The following TP63 variants were observed in gnomAD, a reference collection of about 807,000 sequenced individuals.
The protein encoded by TP63 is tumor protein p63, also known as tumor protein 63.
TP63 carries 17 observed loss-of-function variants against 82.8 expected under a neutral mutation model. The ratio of observed to expected loss-of-function variants is 0.21; its 90% CI spans 0.14 to 0.31. The LOEUF is 0.31. Among genes scored for constraint, TP63 ranks in the 10% least tolerant of loss-of-function variants. The pLI, the probability that TP63 is intolerant of heterozygous loss-of-function variation, is 1.00. For missense variants in TP63, 648 were observed against 895.3 expected (o/e 0.72, Z 3.52); for synonymous variants, 330 against 321.7 (o/e 1.03, Z -0.28).
intron 1 of TP63, among the ~76,000 whole-genome samples, chr3:189,662,336 A>G (rs1027745233): frequency 7.2e-5 from 11 of 152,074 alleles, no homozygotes; most frequent in African/African-American, 2.7e-4. Context: ...GAAGTCATTC[A>G]GTAGCAAGTT....
chr3:189,753,942 C>T (rs1388857977), intron 3 of TP63, among the ~76,000 whole-genome samples: 3 of 152,060 alleles, frequency 2.0e-5, no homozygotes, highest in Non-Finnish European at 2.9e-5. Context: ...ATAATATTGG[C>T]TTTATAACCC....
At chr3:189,721,333 G>T (rs1309184896) in intron 1 of TP63, among the ~76,000 whole-genome samples, 2 of 152,150 alleles carry the variant, frequency 1.3e-5, no homozygotes, top group Non-Finnish European at 2.9e-5. Context: ...GATGCTTAGT[G>T]ATTTTCTAGT....
intron 1 of TP63, among the ~76,000 whole-genome samples, chr3:189,665,830 C>A (rs1377604313): frequency 6.6e-6 from 1 of 151,982 alleles, no homozygotes; most frequent in Non-Finnish European, 1.5e-5. Context: ...CTTATTAGCA[C>A]TTCTATTTTA....
At chr3:189,878,411 CAG>C (rs1392474168) in intron 10 of TP63, among the ~76,000 whole-genome samples, 2 of 107,960 alleles carry the variant, frequency 1.9e-5, no homozygotes, top group African/African-American at 7.2e-5. Flanking sequence ...TTTTTTGAGA[CAG>C]AGTCTTGCTC....
intron 3 of TP63, among the ~76,000 whole-genome samples, chr3:189,802,328 T>G (rs1336981455): frequency 3.3e-5 from 5 of 152,184 alleles, no homozygotes. Flanking sequence ...TGAAAGGTGG[T>G]TATCAGCTGA....
At chr3:189,736,239 CAT>C (rs1288777563) in intron 1 of TP63, among the ~76,000 whole-genome samples, 5 of 151,308 alleles carry the variant, frequency 3.3e-5, no homozygotes, top group Non-Finnish European at 7.4e-5. Flanking sequence ...TAAGTACAGA[CAT>C]AGGCTTTTTA....
chr3:189,853,626 C>T (rs570764187), intron 4 of TP63, among the ~76,000 whole-genome samples: 1 of 152,216 alleles, frequency 6.6e-6, no homozygotes, highest in Non-Finnish European at 1.5e-5. Context: ...ACTCCCCTGA[C>T]TCTTGGCTTT....
chr3:189,821,558 A>G (rs1197969735), intron 4 of TP63, among the ~76,000 whole-genome samples: 5 of 152,230 alleles, frequency 3.3e-5, no homozygotes, highest in Non-Finnish European at 7.3e-5. Context: ...CCACGCTGCT[A>G]TATGAACAGT....
At chr3:189,735,840 C>T (rs182121650) in intron 1 of TP63, among the ~76,000 whole-genome samples, 281 of 151,126 alleles carry the variant, frequency 1.9e-3, no homozygotes, top group Non-Finnish European at 3.4e-3. Flanking sequence ...AAATGAAATA[C>T]ACACACATAT....
At chr3:189,863,446 T>C (rs937886920) in intron 4 of TP63, among the ~76,000 whole-genome samples, 14 of 152,164 alleles carry the variant, frequency 9.2e-5, no homozygotes, top group Non-Finnish European at 1.8e-4. Context: ...CCAGCCCGTT[T>C]TGCCAACTTA....
At chr3:189,664,269 A>T (rs1324245391) in intron 1 of TP63, among the ~76,000 whole-genome samples, 8 of 152,314 alleles carry the variant, frequency 5.3e-5, no homozygotes, top group African/African-American at 1.9e-4. Flanking sequence ...CATAAATCTG[A>T]CATAATTTAT....
chr3:189,798,828 A>G (rs945051166), intron 3 of TP63, among the ~76,000 whole-genome samples: 2 of 152,176 alleles, frequency 1.3e-5, no homozygotes, highest in African/African-American at 4.8e-5. Flanking sequence ...TGTCTTTTCA[A>G]AAGTAAGGCA....
chr3:189,640,710 G>A (rs1196104405), intron 1 of TP63, among the ~76,000 whole-genome samples: 2 of 152,068 alleles, frequency 1.3e-5, no homozygotes, highest in Non-Finnish European at 2.9e-5. Context: ...TGGAAAGCTT[G>A]TTTTTCCCTT....
At chr3:189,749,254 C>T (rs1028347238) in intron 3 of TP63, among the ~76,000 whole-genome samples, 1 of 152,072 alleles carries the variant, frequency 6.6e-6, no homozygotes, top group African/African-American at 2.4e-5. Flanking sequence ...AAAGAAACAC[C>T]TGTTGAATGG....
At chr3:189,867,029 C>T (rs903962069) in intron 6 of TP63, among the ~76,000 whole-genome samples, 1 of 152,158 alleles carries the variant, frequency 6.6e-6, no homozygotes, top group Non-Finnish European at 1.5e-5. Flanking sequence ...TGTCCATATT[C>T]CCATCTTAAG....
chr3:189,875,611 T>TATATACACAC (rs1553859678), intron 10 of TP63, among the ~76,000 whole-genome samples: 3 of 77,040 alleles, frequency 3.9e-5, no homozygotes, highest in Non-Finnish European at 5.6e-5. Flanking sequence ...TATATATATA[T>TATATACACAC]ATATATATAT....
chr3:189,651,789 C>T (rs1712915881), intron 1 of TP63, among the ~76,000 whole-genome samples: 1 of 146,674 alleles, frequency 6.8e-6, no homozygotes, highest in African/African-American at 2.6e-5. Context: ...CTCTGTGCAG[C>T]CTCGGGACAT....
At chr3:189,856,517 G>T (rs1485829616) in intron 4 of TP63, among the ~76,000 whole-genome samples, 1 of 151,860 alleles carries the variant, frequency 6.6e-6, no homozygotes, top group African/African-American at 2.4e-5. Context: ...TTTGATTATT[G>T]CAGTCACATA....
chr3:189,794,544 G>A (rs138205554), intron 3 of TP63, among the ~76,000 whole-genome samples: 3 of 152,132 alleles, frequency 2.0e-5, no homozygotes, highest in East Asian at 3.9e-4. Flanking sequence ...GGGAAGGGGG[G>A]TGAGGAGTGA....
Sources: allele counts gnomAD v4.1 joint callset (sites outside exome capture counted in the v4.1 genomes callset), GRCh38; gene constraint gnomAD v4.1.1; transcripts MANE v1.5; gene names NCBI Gene and HGNC (gene_info 2026-07-23, HGNC 2026-07-21).